RNF4: variants seen among roughly 807,000 people sequenced by gnomAD.
The protein encoded by RNF4 is ring finger protein 4.
RNF4 carries 7 observed loss-of-function variants against 24.3 expected under a neutral mutation model. That is an observed-to-expected ratio of 0.29 (90% confidence interval 0.16 to 0.54). The LOEUF is 0.54. Ranked by LOEUF, RNF4 falls within the 20% of genes least tolerant of loss-of-function variation. The pLI is 0.95. For missense variants in RNF4, 209 were observed against 248.5 expected (o/e 0.84, Z 1.07); for synonymous variants, 83 against 84.3 (o/e 0.98, Z 0.09).
intron 1 of RNF4, among the ~76,000 whole-genome samples, chr4:2,473,416 G>C (rs560048111): frequency 3.8e-4 from 58 of 152,212 alleles, no homozygotes; most frequent in Admixed American, 3.5e-3. Context: ...CAAGAACTTG[G>C]AAAAAGTTGA....
At chr4:2,486,129 T>C (rs1383236225) in intron 1 of RNF4, among the ~76,000 whole-genome samples, 1 of 152,202 alleles carries the variant, frequency 6.6e-6, no homozygotes, top group Non-Finnish European at 1.5e-5. Context: ...CCTTAGCTGC[T>C]TCATGGGTAA....
chr4:2,510,947 C>G (rs1736254912), intron 4 of RNF4, among the ~76,000 whole-genome samples: 1 of 152,200 alleles, frequency 6.6e-6, no homozygotes, highest in Non-Finnish European at 1.5e-5. Flanking sequence ...GTGTTCAATC[C>G]TTGGTGTGTG....
At chr4:2,488,574 C>G (rs771278146) in intron 1 of RNF4, among the ~76,000 whole-genome samples, 2 of 152,188 alleles carry the variant, frequency 1.3e-5, no homozygotes, top group Non-Finnish European at 2.9e-5. Context: ...AGACTGCCAA[C>G]CTGGTGCTGT....
intron 1 of RNF4, among the ~76,000 whole-genome samples, chr4:2,486,982 G>C (rs704354): frequency 6.6e-6 from 1 of 152,050 alleles, no homozygotes; most frequent in Non-Finnish European, 1.5e-5. Flanking sequence ...TGGGACTGTC[G>C]TGTGGTCTGA....
At chr4:2,481,631 C>T (rs911852877) in intron 1 of RNF4, among the ~76,000 whole-genome samples, 1 of 152,172 alleles carries the variant, frequency 6.6e-6, no homozygotes, top group Non-Finnish European at 1.5e-5. Context: ...GCCTTTCTGT[C>T]TCCTTCAGAG....
At chr4:2,509,880 G>A (rs900875046) in intron 4 of RNF4, among the ~76,000 whole-genome samples, 1 of 152,128 alleles carries the variant, frequency 6.6e-6, no homozygotes, top group Non-Finnish European at 1.5e-5. Flanking sequence ...GTAGAAAGCT[G>A]GGGTCATTTC....
chr4:2,470,633 A>G (rs74722774), intron 1 of RNF4, among the ~76,000 whole-genome samples: 1 of 152,118 alleles, frequency 6.6e-6, no homozygotes. Flanking sequence ...TAATGTATGC[A>G]CATCTGTGCT....
rs191250621 is a variant in RNF4, at chr4:2,515,467, C to T, written c.*1648C>T. 25 of 152,476 alleles carry T rather than the reference C, an allele frequency of 1.6e-4. No homozygotes were observed. Among genetic ancestry groups the T allele is most frequent in the African/African-American group, 6.0e-4 (25 of 41,576 alleles). The allele number at this position is 152,476 out of a possible 1,614,324, so 9.4% of individuals were successfully genotyped here. ...TCTGCCCTCTGACTGGACATCATTG[C>T]CATTAACTTTCTTCTGGGCATCACG... On this transcript the variant is annotated 3_prime_UTR_variant, in exon 8 of 8. Transcript: ENST00000314289.
intron 1 of RNF4, chr4:2,481,228 C>A (rs1390007678): frequency 1.3e-5 from 2 of 152,202 alleles, no homozygotes; most frequent in African/African-American, 4.8e-5. Flanking sequence ...ATCACAGTTA[C>A]TTGTATTTCT....
In RNF4 at chr4:2,515,469, A is replaced by T. The variant is rs969873359; in HGVS notation, c.*1650A>T. ...TGCCCTCTGACTGGACATCATTGCC[A>T]TTAACTTTCTTCTGGGCATCACGGC... On this transcript the variant is annotated 3_prime_UTR_variant, in exon 8 of 8. Transcript: ENST00000314289. 1.3e-5 allele frequency: 2 copies of T among 152,366 alleles called. No homozygotes were observed. Among genetic ancestry groups the T allele is most frequent in the African/African-American group, 4.8e-5 (2 of 41,454 alleles). The allele number at this position is 152,366 out of a possible 1,614,324, so 9.4% of individuals were successfully genotyped here.
intron 4 of RNF4, among the ~76,000 whole-genome samples, chr4:2,509,870 G>A (rs539504773): frequency 6.6e-6 from 1 of 152,134 alleles, no homozygotes; most frequent in Non-Finnish European, 1.5e-5. Flanking sequence ...TGTTGGAGCT[G>A]TAGAAAGCTG....
rs993146686 is a variant in RNF4 at position 2,484,546 on chromosome 4, C to T, written c.-157-5791C>T. On this transcript the variant is annotated intron_variant, in intron 1 of 7. Coordinates refer to ENST00000314289, the MANE Select transcript of RNF4 (RefSeq NM_002938.5). Reference sequence around the variant, plus strand: ...TTTATTGGGAGTTAGCCCCATTGTACGTCAAGGAGCATCTGCACATCGTAT... The same window carrying T: ...TTTATTGGGAGTTAGCCCCATTGTATGTCAAGGAGCATCTGCACATCGTAT... Among the ~76,000 whole-genome samples the T allele has an allele frequency of 3.9e-5, 6 of 151,968 alleles. 1 individual carries two copies. Among genetic ancestry groups the T allele is most frequent in the African/African-American group, 7.2e-5 (3 of 41,414 alleles).
Position 2,472,008 on chromosome 4 carries a change from A to G in RNF4, c.-158+2750A>G, listed in dbSNP as rs567346003. Among the ~76,000 whole-genome samples, 9 of 152,358 alleles carry G rather than the reference A, an allele frequency of 5.9e-5. No individual in the cohort carries two copies. The East Asian group carries it at 1.2e-3, about 20-fold the overall frequency. On this transcript the variant is annotated intron_variant, in intron 1 of 7. Coordinates refer to ENST00000314289, the MANE Select transcript of RNF4 (RefSeq NM_002938.5). The stretch of plus-strand genomic sequence containing the variant: ...GGCCACACTAAACAACAGACTTTCA[A>G]TGTAAATGAAACAGCCTTATATGGA...
chr4:2,481,688 A>AT (rs1222232959), intron 1 of RNF4, among the ~76,000 whole-genome samples: 4 of 151,590 alleles, frequency 2.6e-5, no homozygotes, highest in Non-Finnish European at 2.9e-5. Flanking sequence ...GGAGCCAGTG[A>AT]TTTTTTTGAC....
At chr4:2,507,724 A>G (rs987291957) in intron 4 of RNF4, among the ~76,000 whole-genome samples, 19 of 152,222 alleles carry the variant, frequency 1.2e-4, no homozygotes, top group Admixed American at 1.2e-3. Context: ...AGGGGCTTCG[A>G]GTGACCAATC....
At chr4:2,487,162 A>G (rs1046597789) in intron 1 of RNF4, among the ~76,000 whole-genome samples, 2 of 152,226 alleles carry the variant, frequency 1.3e-5, no homozygotes, top group Admixed American at 1.3e-4. Flanking sequence ...GCTGGAGTGC[A>G]ATGGTGCAGT....
chr4:2,490,536 G>T, intron 2 of RNF4, 34 bp downstream of exon 2: 2 of 1,602,182 alleles, frequency 1.2e-6, no homozygotes, highest in African/African-American at 1.3e-5. Flanking sequence ...TTTTAATTTT[G>T]TAGGGCTAAT....
intron 1 of RNF4, among the ~76,000 whole-genome samples, chr4:2,481,749 C>T (rs925295866): frequency 2.6e-5 from 4 of 152,172 alleles, no homozygotes; most frequent in African/African-American, 9.6e-5. Context: ...GCTCTATCAC[C>T]GAGGCAGGAG....
intron 1 of RNF4, among the ~76,000 whole-genome samples, chr4:2,485,619 C>CT (rs1427366723): frequency 6.6e-6 from 1 of 152,148 alleles, no homozygotes; most frequent in Non-Finnish European, 1.5e-5. Context: ...ACCTTGGAAG[C>CT]TTTAGGAATA....
Sources: gnomAD v4.1 joint callset for allele counts (sites outside exome capture counted in the v4.1 genomes callset) on GRCh38, gnomAD v4.1.1 for gene constraint, MANE v1.5 for transcripts, NCBI Gene and HGNC (gene_info 2026-07-23, HGNC 2026-07-21) for gene names.